SUPT3H: variants seen among roughly 807,000 people sequenced by gnomAD.
SUPT3H encodes the protein SPT3 homolog, SAGA and STAGA complex component.
Under a neutral mutation model 44.3 loss-of-function variants are expected in SUPT3H, and 44 were observed. That is an observed-to-expected ratio of 0.99 (90% CI 0.78 to 1.28). SUPT3H has a LOEUF of 1.28. Ranked by LOEUF, SUPT3H falls within the 50% of genes most tolerant of loss-of-function variation. The probability of loss-of-function intolerance (pLI) is 0.00; values close to 1 mark genes in which losing one functional copy is unlikely to be tolerated. For synonymous variants in SUPT3H, 124 were observed against 125.6 expected (o/e 0.99, Z 0.09); for missense variants, 380 against 387.1 (o/e 0.98, Z 0.15).
At chr6:44,963,981 G>T (rs1199224297) in intron 6 of SUPT3H, among the ~76,000 whole-genome samples, 2 of 150,398 alleles carry the variant, frequency 1.3e-5, no homozygotes, top group African/African-American at 4.9e-5. Context: ...CTGGGAAACA[G>T]AGGGAGACTC....
chr6:45,198,612 C>T (rs928381880), intron 2 of SUPT3H, among the ~76,000 whole-genome samples: 1 of 151,334 alleles, frequency 6.6e-6, no homozygotes, highest in Non-Finnish European at 1.5e-5. Context: ...AATGTCTCAT[C>T]TGTAACAACG....
chr6:44,823,392 A>G (rs964404651), downstream of SUPT3H, among the ~76,000 whole-genome samples: 1 of 152,138 alleles, frequency 6.6e-6, no homozygotes, highest in African/African-American at 2.4e-5. Flanking sequence ...AAAACCTAGG[A>G]AAGAAGAGGC....
At chr6:45,326,258 A>G (rs1786320479) in intron 2 of SUPT3H, among the ~76,000 whole-genome samples, 1 of 151,884 alleles carries the variant, frequency 6.6e-6, no homozygotes. Flanking sequence ...GAAGAAAACC[A>G]TTTGCTGATC....
intron 2 of SUPT3H, among the ~76,000 whole-genome samples, chr6:45,218,127 C>T (rs907526290): frequency 1.5e-4 from 23 of 151,946 alleles, no homozygotes; most frequent in African/African-American, 3.9e-4. Flanking sequence ...CATAAAAACA[C>T]GTGAAGGTAA....
At chr6:45,176,773 C>T (rs1302503513) in intron 2 of SUPT3H, among the ~76,000 whole-genome samples, 2 of 152,152 alleles carry the variant, frequency 1.3e-5, no homozygotes, top group Admixed American at 1.3e-4. Context: ...GACCCCTGAC[C>T]CCCGAGCAGC....
chr6:45,182,322 G>T (rs562601061), intron 2 of SUPT3H, among the ~76,000 whole-genome samples: 1 of 152,208 alleles, frequency 6.6e-6, no homozygotes, highest in African/African-American at 2.4e-5. Context: ...GTGTAGTGGC[G>T]CAATCTCGAC....
intron 1 of SUPT3H, among the ~76,000 whole-genome samples, chr6:45,368,806 TA>T (rs1365461709): frequency 6.6e-6 from 1 of 152,106 alleles, no homozygotes; most frequent in African/African-American, 2.4e-5. Context: ...TCACATAATA[TA>T]AATTAATAGA....
chr6:45,049,824 A>C (rs17425275), intron 3 of SUPT3H, among the ~76,000 whole-genome samples: 2,752 of 152,286 alleles, frequency 0.018, 38 homozygotes, highest in Non-Finnish European at 0.027. Context: ...TATACTCTTA[A>C]AGCAGCCCCT....
At chr6:44,929,592 T>C (rs1259401195) in intron 10 of SUPT3H, among the ~76,000 whole-genome samples, 1 of 152,218 alleles carries the variant, frequency 6.6e-6, no homozygotes, top group Non-Finnish European at 1.5e-5. Flanking sequence ...GGTGTCAATC[T>C]ATGATTACTA....
chr6:45,072,801 G>T (rs1794556853), intron 3 of SUPT3H, among the ~76,000 whole-genome samples: 1 of 151,988 alleles, frequency 6.6e-6, no homozygotes, highest in South Asian at 2.1e-4. Flanking sequence ...AGGATTAAAA[G>T]CTCCTGGGTT....
intron 2 of SUPT3H, among the ~76,000 whole-genome samples, chr6:45,248,332 A>T (rs1296733713): frequency 6.6e-6 from 1 of 152,166 alleles, no homozygotes; most frequent in Non-Finnish European, 1.5e-5. Context: ...AATATTTCAA[A>T]TTACATATGA....
intron 3 of SUPT3H, among the ~76,000 whole-genome samples, chr6:45,024,389 A>C (rs1785627461): frequency 6.6e-6 from 1 of 151,642 alleles, no homozygotes; most frequent in African/African-American, 2.4e-5. Flanking sequence ...TGTTTCTTTT[A>C]ATCTTCTCAG....
intron 2 of SUPT3H, among the ~76,000 whole-genome samples, chr6:45,355,010 T>C (rs906866164): frequency 6.6e-6 from 1 of 152,166 alleles, no homozygotes; most frequent in African/African-American, 2.4e-5. Flanking sequence ...GGTCTCACTC[T>C]GTCACCCAGG....
intron 2 of SUPT3H, among the ~76,000 whole-genome samples, chr6:45,357,305 T>C (rs933806524): frequency 7.9e-5 from 12 of 151,978 alleles, no homozygotes; most frequent in African/African-American, 2.9e-4. Flanking sequence ...CTGTGCCCGG[T>C]CAAGAATCCA....
chr6:45,118,162 G>A (rs1371593978), intron 2 of SUPT3H, among the ~76,000 whole-genome samples: 1 of 151,916 alleles, frequency 6.6e-6, no homozygotes, highest in East Asian at 1.9e-4. Flanking sequence ...TATTAACACT[G>A]AAACTCATAT....
intron 1 of SUPT3H, among the ~76,000 whole-genome samples, chr6:45,372,845 T>G (rs960825409): frequency 6.6e-6 from 1 of 151,386 alleles, no homozygotes; most frequent in Non-Finnish European, 1.5e-5. Flanking sequence ...TGAGATGGAG[T>G]TTTGCTCTGT....
At chr6:45,182,834 T>C (rs1304437162) in intron 2 of SUPT3H, among the ~76,000 whole-genome samples, 1 of 152,156 alleles carries the variant, frequency 6.6e-6, no homozygotes, top group Non-Finnish European at 1.5e-5. Context: ...AAATAACAAG[T>C]GTTGGCCTGT....
chr6:44,962,533 G>A (rs1025408798), intron 6 of SUPT3H, among the ~76,000 whole-genome samples: 10 of 151,028 alleles, frequency 6.6e-5, no homozygotes, highest in Non-Finnish European at 1.2e-4. Flanking sequence ...GGTACTTCTT[G>A]GAATGAATTT....
chr6:45,241,934 G>A (rs1379948328), intron 2 of SUPT3H, among the ~76,000 whole-genome samples: 2 of 152,206 alleles, frequency 1.3e-5, no homozygotes, highest in Non-Finnish European at 2.9e-5. Flanking sequence ...CAAATTGCTA[G>A]TCATGAAGGA....
Sources: gnomAD v4.1 joint callset for allele counts (sites outside exome capture counted in the v4.1 genomes callset) on GRCh38, gnomAD v4.1.1 for gene constraint, MANE v1.5 for transcripts, NCBI Gene and HGNC (gene_info 2026-07-23, HGNC 2026-07-21) for gene names.